Variants in WDR72 observed in about 807,000 individuals in gnomAD.
The protein encoded by WDR72 is WD repeat-containing protein 72.
Under a neutral mutation model 124.2 loss-of-function variants are expected in WDR72, and 120 were observed. The observed-to-expected ratio is 0.97, with a 90% CI of 0.83 to 1.12. WDR72 has a LOEUF of 1.12. Ranked by LOEUF, WDR72 falls within the 50% of genes most tolerant of loss-of-function variation. The pLI is 0.00. For synonymous variants in WDR72, 452 were observed against 441.7 expected (o/e 1.02, Z -0.29); for missense variants, 1,387 against 1,278.8 (o/e 1.08, Z -1.29).
intron 13 of WDR72, among the ~76,000 whole-genome samples, chr15:53,676,333 T>G (rs2016170561): frequency 6.6e-6 from 1 of 152,350 alleles, no homozygotes; most frequent in Non-Finnish European, 1.5e-5. Flanking sequence ...GCACATGTAA[T>G]TAACGTTTCT....
intron 11 of WDR72, among the ~76,000 whole-genome samples, chr15:53,703,034 C>A (rs150640569): frequency 9.0e-4 from 137 of 152,046 alleles, no homozygotes; most frequent in African/African-American, 3.2e-3. Context: ...CCACCTCAGC[C>A]TCCCTAGTAG....
chr15:53,602,392 T>A (rs1405350172), intron 17 of WDR72, among the ~76,000 whole-genome samples: 1 of 151,848 alleles, frequency 6.6e-6, no homozygotes, highest in Non-Finnish European at 1.5e-5. Flanking sequence ...TAGAAAGATC[T>A]CTTGTTAACA....
chr15:53,620,023 G>C (rs1313902919), intron 14 of WDR72, among the ~76,000 whole-genome samples: 1 of 151,996 alleles, frequency 6.6e-6, no homozygotes, highest in Non-Finnish European at 1.5e-5. Context: ...TGCAAGATTA[G>C]TGTAAGTTGG....
intron 13 of WDR72, among the ~76,000 whole-genome samples, chr15:53,677,683 G>T (rs1317131833): frequency 6.6e-6 from 1 of 152,148 alleles, no homozygotes; most frequent in Non-Finnish European, 1.5e-5. Flanking sequence ...CACCATGATT[G>T]TGAGGCCTCC....
intron 1 of WDR72, among the ~76,000 whole-genome samples, chr15:53,752,886 T>C (rs2018807969): frequency 6.6e-6 from 1 of 152,134 alleles, no homozygotes; most frequent in South Asian, 2.1e-4. Context: ...GAAAAGAATA[T>C]ATTCATTTAT....
At chr15:53,532,690 A>T (rs1431237757) in intron 18 of WDR72, among the ~76,000 whole-genome samples, 3 of 152,094 alleles carry the variant, frequency 2.0e-5, no homozygotes, top group Non-Finnish European at 4.4e-5. Context: ...ACAAAAATAC[A>T]GTAAGATAGA....
intron 13 of WDR72, among the ~76,000 whole-genome samples, chr15:53,674,213 T>G (rs2016088114): frequency 6.6e-6 from 1 of 152,192 alleles, no homozygotes; most frequent in Admixed American, 6.5e-5. Context: ...TGACTCTCTC[T>G]GAAACAGAGT....
intron 14 of WDR72, among the ~76,000 whole-genome samples, chr15:53,657,981 A>T (rs1468090168): frequency 1.3e-5 from 2 of 152,340 alleles, no homozygotes; most frequent in East Asian, 3.9e-4. Flanking sequence ...AGCTGACTTC[A>T]TTGAAAAAGG....
At chr15:53,606,032 C>T (rs948491673) in intron 17 of WDR72, among the ~76,000 whole-genome samples, 12 of 152,020 alleles carry the variant, frequency 7.9e-5, no homozygotes, top group African/African-American at 2.9e-4. Context: ...GAGAAGAGAA[C>T]CTTGAAGTCT....
chr15:53,711,800 T>A (rs2017547245), intron 7 of WDR72, among the ~76,000 whole-genome samples: 1 of 152,198 alleles, frequency 6.6e-6, no homozygotes, highest in African/African-American at 2.4e-5. Context: ...TGAAAATGTA[T>A]TATGCACATA....
intron 14 of WDR72, among the ~76,000 whole-genome samples, chr15:53,647,995 C>CA (rs1487008241): frequency 6.6e-6 from 1 of 152,036 alleles, no homozygotes; most frequent in Non-Finnish European, 1.5e-5. Context: ...ATTTCTCATG[C>CA]TTACGTGCAT....
At chr15:53,680,680 T>C (rs1340993269) in intron 13 of WDR72, among the ~76,000 whole-genome samples, 1 of 152,224 alleles carries the variant, frequency 6.6e-6, no homozygotes, top group Non-Finnish European at 1.5e-5. Context: ...GAAAATACAA[T>C]TCATTTACTA....
intron 1 of WDR72, among the ~76,000 whole-genome samples, chr15:53,756,265 C>G (rs149264783): frequency 0.015 from 2,258 of 152,264 alleles, 26 homozygotes; most frequent in Non-Finnish European, 0.022. Context: ...CCCCTTTGCT[C>G]CGCACTCATT....
chr15:53,573,092 T>G (rs1035761111), intron 18 of WDR72, among the ~76,000 whole-genome samples: 1 of 152,172 alleles, frequency 6.6e-6, no homozygotes, highest in South Asian at 2.1e-4. Flanking sequence ...TCAACTCTGA[T>G]AGCAAATATT....
intron 13 of WDR72, 126 bp from the exon 14 acceptor site, chr15:53,665,894 C>T: frequency 1.1e-6 from 1 of 895,574 alleles, no homozygotes; most frequent in South Asian, 1.5e-5. Context: ...TATCTTGCAA[C>T]TGAAAAATAG....
At chr15:53,663,950 A>G (rs2015692571) in intron 14 of WDR72, among the ~76,000 whole-genome samples, 1 of 144,716 alleles carries the variant, frequency 6.9e-6, no homozygotes, top group Non-Finnish European at 1.5e-5. Flanking sequence ...GGTTTTAAAA[A>G]CCTAAAGACA....
At chr15:53,613,623 G>GA (rs34829468) in intron 16 of WDR72, 43 bp downstream of exon 16, 3,024 of 1,270,716 alleles carry the variant, frequency 2.4e-3, no homozygotes, top group Non-Finnish European at 2.9e-3. Context: ...TCCTTTCACA[G>GA]AAAAAAAAAA....
At chr15:53,619,867 G>A (rs1247471148) in intron 14 of WDR72, among the ~76,000 whole-genome samples, 2 of 151,964 alleles carry the variant, frequency 1.3e-5, no homozygotes, top group African/African-American at 4.8e-5. Flanking sequence ...TTTTAAAATA[G>A]CTTACTCTTT....
chr15:53,709,312 C>T (rs7183049), intron 9 of WDR72, among the ~76,000 whole-genome samples: 25,833 of 152,212 alleles, frequency 0.17, 2,526 homozygotes, highest in East Asian at 0.45. Context: ...ATTTCACTGG[C>T]TTCTAGGCTT....
Sources: allele counts gnomAD v4.1 joint callset (sites outside exome capture counted in the v4.1 genomes callset), GRCh38; gene constraint gnomAD v4.1.1; transcripts MANE v1.5; gene names NCBI Gene and HGNC (gene_info 2026-07-23, HGNC 2026-07-21).